Variants in TANC2 observed in about 807,000 individuals in gnomAD.
The protein encoded by TANC2 is protein TANC2.
Under a neutral mutation model 210.5 loss-of-function variants are expected in TANC2, and 26 were observed. That is an observed-to-expected ratio of 0.12 (90% CI 0.09 to 0.17). The LOEUF (loss-of-function observed/expected upper bound fraction) is 0.17. Among genes scored for constraint, TANC2 ranks in the 10% least tolerant of loss-of-function variants. The pLI, the probability that TANC2 is intolerant of heterozygous loss-of-function variation, is 1.00. For missense variants in TANC2, 2,129 were observed against 2,608.9 expected (o/e 0.82, Z 4.01); for synonymous variants, 931 against 967.1 (o/e 0.96, Z 0.69).
At chr17:63,324,200 T>C (rs1461000189) in intron 11 of TANC2, among the ~76,000 whole-genome samples, 1 of 152,200 alleles carries the variant, frequency 6.6e-6, no homozygotes, top group East Asian at 1.9e-4. Context: ...AGCTAACATA[T>C]CTGAAATGAG....
Position 63,105,999 on chromosome 17 carries a change from T to G in TANC2, c.322+6642T>G, listed in dbSNP as rs556749873. On this transcript the variant is annotated intron_variant, in intron 4 of 27. Coordinates refer to ENST00000689528, the Ensembl canonical transcript of TANC2. ...AATATATACTAAGACTTTTAAGCTC[T>G]TTTGGAATAATAGACTAATTAAACT... Among the ~76,000 whole-genome samples the G allele has an allele frequency of 1.1e-3, 172 of 151,778 alleles. 6 individuals carry two copies. The highest frequency in any genetic ancestry group is 3.9e-3 in the African/African-American group (159 of 41,062).
chr17:63,109,854 A>G (rs1369716335), intron 4 of TANC2, among the ~76,000 whole-genome samples: 1 of 151,616 alleles, frequency 6.6e-6, no homozygotes, highest in Non-Finnish European at 1.5e-5. Context: ...GCTCCTACCC[A>G]TTAGTCCTAG....
chr17:63,341,256 C>T (rs577960491), intron 12 of TANC2, among the ~76,000 whole-genome samples: 15 of 152,348 alleles, frequency 9.8e-5, no homozygotes, highest in Admixed American at 1.3e-4. Context: ...TTCTCCTCTA[C>T]TCTGATGACC....
rs917474317 is a variant in TANC2, at chr17:62,992,250, C to T, written c.-23-17287C>T. Among the ~76,000 whole-genome samples the T allele has an allele frequency of 4.5e-4, 68 of 152,094 alleles. 2 individuals are homozygous for T. Among genetic ancestry groups the T allele is most frequent in the Admixed American group, 2.6e-3 (39 of 15,272 alleles). ...GCAGATACCCAAGGATGATTGTATG[C>T]GCTTATCTTTCCCTATAGCAATCTA... On this transcript the variant is annotated intron_variant, in intron 1 of 27. Transcript: ENST00000689528.
intron 4 of TANC2, among the ~76,000 whole-genome samples, chr17:63,129,544 C>T (rs1180869045): frequency 6.6e-6 from 1 of 151,936 alleles, no homozygotes; most frequent in African/African-American, 2.4e-5. Flanking sequence ...ATGATGAAAC[C>T]CCATCTCTAC....
chr17:63,054,951 C>T lies in TANC2; in HGVS notation c.68-18992C>T, dbSNP rs191252972. 1.8e-4 allele frequency among the ~76,000 whole-genome samples: 28 copies of T among 152,290 alleles called. 1 individual carries two copies. The highest frequency in any genetic ancestry group is 6.7e-4 in the African/African-American group (28 of 41,546). On this transcript the variant is annotated intron_variant, in intron 2 of 27. Transcript: ENST00000689528. ...GTTTCTAGAGTATTGAAGACAACCTCCTTCAACATTTTAATTCATAAAACC... is the reference window on the plus strand; with the variant it reads ...GTTTCTAGAGTATTGAAGACAACCTTCTTCAACATTTTAATTCATAAAACC...
chr17:63,024,779 A>G (rs1272072274), intron 2 of TANC2, among the ~76,000 whole-genome samples: 1 of 152,224 alleles, frequency 6.6e-6, no homozygotes, highest in Middle Eastern at 3.2e-3. Flanking sequence ...TTATACAGCT[A>G]GTAGGAATAG....
intron 2 of TANC2, among the ~76,000 whole-genome samples, chr17:63,072,051 G>A (rs995088797): frequency 6.6e-6 from 1 of 152,130 alleles, no homozygotes; most frequent in Non-Finnish European, 1.5e-5. Context: ...AAAATACCTG[G>A]CAGAGAGTAC....
intron 10 of TANC2, among the ~76,000 whole-genome samples, chr17:63,315,916 CT>C (rs1191375189): frequency 6.6e-6 from 1 of 152,150 alleles, no homozygotes; most frequent in East Asian, 1.9e-4. Flanking sequence ...TGGAAGAATT[CT>C]TTTCTTCAGA....
chr17:63,004,718 A>G, intron 1 of TANC2: 2 of 323,120 alleles, frequency 6.2e-6, no homozygotes, highest in Admixed American at 6.3e-5. Flanking sequence ...TTCACTTGGT[A>G]TCTCCGGCAG....
intron 2 of TANC2, among the ~76,000 whole-genome samples, chr17:63,019,005 A>G (rs1279629426): frequency 2.0e-5 from 3 of 152,230 alleles, no homozygotes; most frequent in African/African-American, 7.2e-5. Flanking sequence ...TGTGAAAAAT[A>G]TTAGTGTACA....
intron 19 of TANC2, among the ~76,000 whole-genome samples, chr17:63,400,973 A>G (rs958495019): frequency 6.6e-6 from 1 of 152,096 alleles, no homozygotes; most frequent in Admixed American, 6.6e-5. Context: ...TTCTATATCT[A>G]TGAAAAATTA....
At position 63,188,459 on chromosome 17, in the gene TANC2, G is replaced by C. The variant is rs528168379; in HGVS notation, c.434-5532G>C. On this transcript the variant is annotated intron_variant, in intron 5 of 27. Coordinates refer to ENST00000689528, the Ensembl canonical transcript of TANC2. Reference sequence around the variant, plus strand: ...ATACAAAAAATTAGCTGGGCATGGTGGTGGGCGCCTGTAGTCCCAGCTACT... The same window carrying C: ...ATACAAAAAATTAGCTGGGCATGGTCGTGGGCGCCTGTAGTCCCAGCTACT... Among the ~76,000 whole-genome samples, 140 of 152,140 alleles carry C rather than the reference G, an allele frequency of 9.2e-4. 1 individual carries two copies. Among genetic ancestry groups the C allele is most frequent in the African/African-American group, 3.4e-3 (139 of 41,486 alleles).
intron 4 of TANC2, among the ~76,000 whole-genome samples, chr17:63,144,620 G>A (rs2039403605): frequency 6.6e-6 from 1 of 151,916 alleles, no homozygotes; most frequent in African/African-American, 2.4e-5. Flanking sequence ...GGAACTAAAA[G>A]GCATAACACG....
At chr17:63,220,888 G>A (rs11079498) in intron 7 of TANC2, among the ~76,000 whole-genome samples, 33,658 of 150,378 alleles carry the variant, frequency 0.22, 3,856 homozygotes, top group South Asian at 0.3. Flanking sequence ...CAGAATATTT[G>A]CATATCCATA....
At chr17:63,372,094 A>G (rs1440806529) in intron 14 of TANC2, among the ~76,000 whole-genome samples, 1 of 152,216 alleles carries the variant, frequency 6.6e-6, no homozygotes, top group Admixed American at 6.5e-5. Context: ...CCTGTGATCA[A>G]CTTTCTCCTA....
intron 3 of TANC2, among the ~76,000 whole-genome samples, chr17:63,075,923 A>G (rs2036557213): frequency 1.3e-5 from 2 of 152,176 alleles, no homozygotes; most frequent in Non-Finnish European, 2.9e-5. Context: ...ACCTCGAGAA[A>G]CCCACTGAAA....
intron 9 of TANC2, chr17:63,313,367 A>C (rs1421216344): frequency 6.6e-6 from 1 of 152,220 alleles, no homozygotes; most frequent in Non-Finnish European, 1.5e-5. Context: ...ACAGTTCAGG[A>C]AGCCGTTTAA....
chr17:63,251,911 G>A (rs532409680), intron 8 of TANC2, among the ~76,000 whole-genome samples: 50 of 152,254 alleles, frequency 3.3e-4, no homozygotes, highest in African/African-American at 1.2e-3. Flanking sequence ...AATAAATCAA[G>A]GCGATAGAAT....
Sources: gnomAD v4.1 joint callset for allele counts (sites outside exome capture counted in the v4.1 genomes callset) on GRCh38, gnomAD v4.1.1 for gene constraint, MANE v1.5 for transcripts, NCBI Gene and HGNC (gene_info 2026-07-23, HGNC 2026-07-21) for gene names.